ARMH4: variants seen among roughly 807,000 people sequenced by gnomAD.
ARMH4 encodes armadillo-like helical domain-containing protein 4.
ARMH4 carries 49 observed loss-of-function variants against 61.9 expected under a neutral mutation model. The observed-to-expected ratio is 0.79, with a 90% CI of 0.63 to 1.00. The LOEUF is 1.00. Ranked by LOEUF, ARMH4 falls within the 50% of genes least tolerant of loss-of-function variation. ARMH4 has a pLI of 0.00. For missense variants in ARMH4, 934 were observed against 930.0 expected (o/e 1.00, Z -0.06); for synonymous variants, 368 against 341.5 (o/e 1.08, Z -0.85).
intron 5 of ARMH4, among the ~76,000 whole-genome samples, chr14:58,013,725 C>T (rs139084476): frequency 2.7e-4 from 41 of 152,226 alleles, no homozygotes; most frequent in Non-Finnish European, 4.6e-4. Context: ...AAGAGACTTG[C>T]TCATGGTTAA....
chr14:58,139,672 T>C (rs1413002592), intron 1 of ARMH4, among the ~76,000 whole-genome samples: 1 of 152,246 alleles, frequency 6.6e-6, no homozygotes, highest in Non-Finnish European at 1.5e-5. Context: ...TCGTTGTTTC[T>C]TAAATACCTA....
chr14:58,099,465 T>C (rs537805203), intron 4 of ARMH4, among the ~76,000 whole-genome samples: 2 of 152,206 alleles, frequency 1.3e-5, no homozygotes, highest in East Asian at 3.9e-4. Context: ...ACTGAGGGTG[T>C]CCCTCTGGCT....
At chr14:58,077,662 T>G (rs541032681) in intron 5 of ARMH4, among the ~76,000 whole-genome samples, 3 of 152,276 alleles carry the variant, frequency 2.0e-5, no homozygotes, top group South Asian at 4.1e-4. Flanking sequence ...AAGAACACTC[T>G]GTATGGGTAA....
intron 5 of ARMH4, among the ~76,000 whole-genome samples, chr14:58,040,635 G>C (rs1383110547): frequency 1.3e-5 from 2 of 152,104 alleles, no homozygotes; most frequent in Non-Finnish European, 2.9e-5. Flanking sequence ...ACATGTACTT[G>C]TGTCTTTATG....
intron 4 of ARMH4, among the ~76,000 whole-genome samples, chr14:58,104,068 T>C (rs964718536): frequency 2.0e-5 from 3 of 152,196 alleles, no homozygotes; most frequent in Non-Finnish European, 4.4e-5. Context: ...GCTACCTTTA[T>C]AATGTGACTT....
intron 5 of ARMH4, among the ~76,000 whole-genome samples, chr14:58,061,773 A>G (rs890214851): frequency 6.6e-6 from 1 of 152,086 alleles, no homozygotes; most frequent in Non-Finnish European, 1.5e-5. Context: ...ATTCTACTTC[A>G]AGTAAATGTC....
Position 58,139,185 on chromosome 14 carries a change from G to C in ARMH4, c.174C>G (p.Ser58Arg), listed in dbSNP as rs949117410. 1 of 1,614,088 alleles carries C rather than the reference G, an allele frequency of 6.2e-7. No individual in the cohort carries two copies. The highest frequency in any genetic ancestry group is 8.5e-7 in the Non-Finnish European group (1 of 1,180,044). The change falls in exon 2 of 8, where the codon AGC (serine) becomes AGG (arginine). Residue 58 changes from serine (S) to arginine (R), a missense_variant. Ser to Arg is a moderately radical substitution (Grantham distance 110, BLOSUM62 -1). Transcript: ENST00000267485. ...GGGGAGTCTGCTTTGAGGTAACAGAGCTATTTTCTAGGTCATCGGTGTTCA... is the reference window on the plus strand; with the variant it reads ...GGGGAGTCTGCTTTGAGGTAACAGACCTATTTTCTAGGTCATCGGTGTTCA... ...DKMNTDDLEN[S>R]SVTSKQTPQL...
At position 58,152,179 on chromosome 14, in the gene ARMH4, G is replaced by A. The variant is rs1301690506; in HGVS notation, c.-161C>T. ...TGCGGCGGCGGCGGCGGTAGCGGCGGCGACTCCCTCCGCTGTCTGGGACGC... is the reference window on the plus strand; with the variant it reads ...TGCGGCGGCGGCGGCGGTAGCGGCGACGACTCCCTCCGCTGTCTGGGACGC... On this transcript the variant is annotated 5_prime_UTR_variant, in exon 1 of 8. Coordinates refer to ENST00000267485, the MANE Select transcript of ARMH4 (RefSeq NM_001001872.4). The A allele has an allele frequency of 1.9e-5, 3 of 159,716 alleles. No homozygotes were observed. The highest frequency in any genetic ancestry group is 6.5e-5 in the Admixed American group (1 of 15,334). The allele number at this position is 159,716 out of a possible 1,614,324, so 9.9% of individuals were successfully genotyped here. A position where few individuals can be genotyped will look rare whatever the true frequency, so the allele number is the denominator to read the frequency against.
chr14:58,103,148 T>C (rs569963881), intron 4 of ARMH4, among the ~76,000 whole-genome samples: 2 of 126,838 alleles, frequency 1.6e-5, no homozygotes, highest in South Asian at 5.2e-4. Flanking sequence ...AAAAAAAAAA[T>C]AGAATAAGGC....
intron 6 of ARMH4, among the ~76,000 whole-genome samples, chr14:58,007,308 G>A (rs1882214018): frequency 6.6e-6 from 1 of 152,054 alleles, no homozygotes; most frequent in Admixed American, 6.6e-5. Context: ...ACACACTTAA[G>A]CCTTTTACTT....
At chr14:58,093,620 G>A (rs1266678756) in intron 5 of ARMH4, among the ~76,000 whole-genome samples, 1 of 152,140 alleles carries the variant, frequency 6.6e-6, no homozygotes, top group Non-Finnish European at 1.5e-5. Context: ...TCACAAAGAA[G>A]GAAAGAGTTT....
intron 2 of ARMH4, among the ~76,000 whole-genome samples, chr14:58,136,974 T>C (rs551026825): frequency 3.3e-5 from 5 of 152,338 alleles, no homozygotes; most frequent in African/African-American, 1.2e-4. Context: ...ACTGCAGTAC[T>C]TACCTAAAGC....
intron 5 of ARMH4, among the ~76,000 whole-genome samples, chr14:58,051,728 T>C (rs1411429442): frequency 6.6e-6 from 1 of 152,162 alleles, no homozygotes; most frequent in Non-Finnish European, 1.5e-5. Flanking sequence ...TTTCTTCAAA[T>C]TGAACGGTCT....
intron 5 of ARMH4, among the ~76,000 whole-genome samples, chr14:58,026,119 A>T (rs1392149749): frequency 6.6e-6 from 1 of 152,066 alleles, no homozygotes. Flanking sequence ...ATACTGATAA[A>T]CTATAAACCA....
chr14:58,031,771 C>T (rs923748087), intron 5 of ARMH4, among the ~76,000 whole-genome samples: 2 of 152,186 alleles, frequency 1.3e-5, no homozygotes, highest in African/African-American at 4.8e-5. Context: ...AGAAATCAGA[C>T]AAAAGTAACT....
chr14:58,029,871 C>T (rs567699012), intron 5 of ARMH4, among the ~76,000 whole-genome samples: 62 of 152,114 alleles, frequency 4.1e-4, no homozygotes, highest in African/African-American at 1.4e-3. Context: ...TCACAAGAAC[C>T]GAAAACAGGT....
At chr14:58,146,589 G>C (rs1887736907) in intron 1 of ARMH4, among the ~76,000 whole-genome samples, 1 of 152,224 alleles carries the variant, frequency 6.6e-6, no homozygotes, top group African/African-American at 2.4e-5. Flanking sequence ...AAGATAAGCT[G>C]TTCTGTCAGG....
intron 6 of ARMH4, 42 bp downstream of exon 6, chr14:58,012,077 T>C (rs1352505082): frequency 1.5e-6 from 2 of 1,372,004 alleles, no homozygotes; most frequent in East Asian, 4.9e-5. Flanking sequence ...TAAAGCTATA[T>C]GCCCCTAAAA....
chr14:58,071,854 C>G (rs191188159), intron 5 of ARMH4, among the ~76,000 whole-genome samples: 1 of 152,120 alleles, frequency 6.6e-6, no homozygotes. Flanking sequence ...ATAGTGCTGA[C>G]GACAAGGGAG....
Sources: gnomAD v4.1 joint callset for allele counts (sites outside exome capture counted in the v4.1 genomes callset) on GRCh38, gnomAD v4.1.1 for gene constraint, MANE v1.5 for transcripts, NCBI Gene and HGNC (gene_info 2026-07-23, HGNC 2026-07-21) for gene names.